TOPAZ1: variants seen among roughly 807,000 people sequenced by gnomAD.
The protein encoded by TOPAZ1 is testis and ovary specific TOPAZ 1.
TOPAZ1 carries 66 observed loss-of-function variants against 172.2 expected under a neutral mutation model. The ratio of observed to expected loss-of-function variants is 0.38; its 90% CI spans 0.31 to 0.47. The LOEUF (loss-of-function observed/expected upper bound fraction) is 0.47. Among genes scored for constraint, TOPAZ1 ranks in the 20% least tolerant of loss-of-function variants. The pLI is 0.99. For synonymous variants in TOPAZ1, 681 were observed against 683.9 expected, an observed-to-expected ratio of 1.00 and a Z score of 0.07; for missense variants, 1,822 against 1,972.4, an observed-to-expected ratio of 0.92 and a Z score of 1.44.
intron 3 of TOPAZ1, among the ~76,000 whole-genome samples, chr3:44,255,572 A>G (rs1699689017): frequency 6.6e-6 from 1 of 151,198 alleles, no homozygotes; most frequent in Non-Finnish European, 1.5e-5. Flanking sequence ...GAATGGTGTG[A>G]ACCCGGGAGG....
intron 9 of TOPAZ1, among the ~76,000 whole-genome samples, chr3:44,286,404 A>G (rs948628672): frequency 2.6e-5 from 4 of 152,204 alleles, no homozygotes; most frequent in Non-Finnish European, 5.9e-5. Context: ...GCGACTATAT[A>G]AATACTGCCA....
At position 44,321,023 on chromosome 3, in the gene TOPAZ1, G is replaced by T. The variant is rs1196883060; in HGVS notation, c.4307-4G>T. On this transcript the variant is annotated splice_polypyrimidine_tract_variant and splice_region_variant and intron_variant, in intron 16 of 19. Transcript: ENST00000309765. Reference sequence around the variant, plus strand: ...AACTATTCATATTTTTTTCTTTTTGGAAGAGTCAGAGTGGATAATCAATAC... The same window carrying T: ...AACTATTCATATTTTTTTCTTTTTGTAAGAGTCAGAGTGGATAATCAATAC... 1 of 1,524,466 alleles carries T rather than the reference G, an allele frequency of 6.6e-7. No homozygotes were observed. Among genetic ancestry groups the T allele is most frequent in the South Asian group, 1.3e-5 (1 of 78,778 alleles). The allele number at this position is 1,524,466 out of a possible 1,614,324, so 94.4% of individuals were successfully genotyped here.
intron 4 of TOPAZ1, among the ~76,000 whole-genome samples, chr3:44,258,013 A>AT (rs929134159): frequency 1.3e-5 from 2 of 151,684 alleles, no homozygotes; most frequent in Non-Finnish European, 1.5e-5. Context: ...AGTTTTACTG[A>AT]TTTTTTTTCC....
chr3:44,298,923 T>A (rs1196557758), intron 12 of TOPAZ1, among the ~76,000 whole-genome samples: 524 of 47,162 alleles, frequency 0.011, 10 homozygotes, highest in African/African-American at 0.029. Context: ...TTTTTTTTTT[T>A]TTTTTTTTTT....
chr3:44,314,240 ATTAT>A (rs1700428410), intron 16 of TOPAZ1, among the ~76,000 whole-genome samples: 2 of 151,996 alleles, frequency 1.3e-5, no homozygotes, highest in Non-Finnish European at 2.9e-5. Flanking sequence ...TTTGCATTTA[ATTAT>A]TAAAGAAATT....
At chr3:44,276,053 C>CT (rs562677836) in intron 8 of TOPAZ1, among the ~76,000 whole-genome samples, 6 of 152,068 alleles carry the variant, frequency 3.9e-5, no homozygotes, top group Admixed American at 2.0e-4. Flanking sequence ...AGATTATTTG[C>CT]TTTTTTTGCT....
intron 15 of TOPAZ1, among the ~76,000 whole-genome samples, chr3:44,309,531 A>T (rs1293267432): frequency 6.6e-6 from 1 of 152,252 alleles, no homozygotes; most frequent in African/African-American, 2.4e-5. Flanking sequence ...ATGAAATCTT[A>T]AGGAGAAGTA....
Position 44,243,152 on chromosome 3 carries a change from C to G in TOPAZ1, c.646C>G (p.Pro216Ala). Residue 216 changes from proline to alanine, a missense_variant, in exon 2 of 20, where the codon CCT becomes GCT. Coordinates refer to ENST00000309765, the MANE Select transcript of TOPAZ1 (RefSeq NM_001145030.2). ...AAAATATTCTTGTAATATCTTGTCA[C>G]CTGAAGTAGAAAATAATTCCGTTTT... Reference protein sequence around the residue: ...TPKYSCNILSPEVENNSVLKL... With the variant: ...TPKYSCNILSAEVENNSVLKL... 6.5e-7 allele frequency: 1 copy of G among 1,549,594 alleles called. No homozygotes were observed. Among genetic ancestry groups the G allele is most frequent in the Non-Finnish European group, 8.7e-7 (1 of 1,146,036 alleles).
At chr3:44,279,924 A>G (rs1363656869) in intron 8 of TOPAZ1, among the ~76,000 whole-genome samples, 1 of 152,054 alleles carries the variant, frequency 6.6e-6, no homozygotes, top group Non-Finnish European at 1.5e-5. Flanking sequence ...CTGTAGTGCT[A>G]ACATTTGATT....
intron 12 of TOPAZ1, among the ~76,000 whole-genome samples, chr3:44,292,030 A>T (rs552241027): frequency 2.8e-4 from 42 of 152,200 alleles, no homozygotes; most frequent in Non-Finnish European, 4.6e-4. Context: ...CAGCCTTAAC[A>T]TAGGCTTATT....
intron 10 of TOPAZ1, 102 bp from the exon 11 acceptor site, chr3:44,287,645 T>C: frequency 9.7e-7 from 1 of 1,030,934 alleles, no homozygotes; most frequent in Non-Finnish European, 1.4e-6. Flanking sequence ...GTTGAATACT[T>C]CCTAGAAACC....
Position 44,242,320 on chromosome 3 carries a change from G to A in TOPAZ1, c.267G>A (p.Val89=). The A allele has an allele frequency of 6.4e-7, 1 of 1,552,076 alleles. No individual in the cohort carries two copies. Among genetic ancestry groups the A allele is most frequent in the Non-Finnish European group, 8.7e-7 (1 of 1,147,106 alleles). ...RRQVEGRRGP[V]SPSDSSDPRG... is the part of the protein sequence containing the mutation. ...AGGTGGAGGGGCGCAGGGGCCCGGT[G>A]AGCCCGTCAGACTCGTCAGACCCGC... Residue 89 remains valine (V), a synonymous_variant, in exon 1 of 20, where the codon GTG becomes GTA. Coordinates refer to ENST00000309765, the MANE Select transcript of TOPAZ1 (RefSeq NM_001145030.2).
chr3:44,282,156 C>A, intron 9 of TOPAZ1, 125 bp downstream of exon 9: 3 of 584,624 alleles, frequency 5.1e-6, no homozygotes, highest in Non-Finnish European at 8.9e-6. Context: ...CTCTGTTGGC[C>A]TAAGAAAGGA....
chr3:44,282,108 T>C, intron 9 of TOPAZ1, 77 bp downstream of exon 9: 1 of 1,026,216 alleles, frequency 9.7e-7, no homozygotes, highest in South Asian at 1.6e-5. Flanking sequence ...ATTCAATAAT[T>C]TGTAAGTTTG....
intron 2 of TOPAZ1, among the ~76,000 whole-genome samples, chr3:44,251,579 C>T (rs552991567): frequency 3.3e-5 from 5 of 152,246 alleles, no homozygotes; most frequent in Admixed American, 2.0e-4. Flanking sequence ...TATAGGTTTA[C>T]GAAAACAATT....
chr3:44,252,924 A>T (rs538582013), intron 2 of TOPAZ1, among the ~76,000 whole-genome samples: 1 of 152,214 alleles, frequency 6.6e-6, no homozygotes, highest in Non-Finnish European at 1.5e-5. Context: ...AGCATGTACC[A>T]TAAAATGATA....
intron 17 of TOPAZ1, 30 bp downstream of exon 17, chr3:44,321,221 T>C: frequency 6.7e-7 from 1 of 1,487,942 alleles, no homozygotes; most frequent in South Asian, 1.3e-5. Flanking sequence ...ATCTTAATTA[T>C]CTCTTGCCCA....
chr3:44,245,416 C>T (rs1699552276), intron 2 of TOPAZ1, 145 bp downstream of exon 2: 5 of 731,062 alleles, frequency 6.8e-6, no homozygotes, highest in Non-Finnish European at 1.0e-5. Context: ...ACCATTATTA[C>T]TGCTGATACC....
Position 44,270,803 on chromosome 3 carries a change from A to C in TOPAZ1, c.3365A>C (p.Asp1122Ala). Reference sequence around the variant, plus strand: ...TTTGCTCATGTGCCTGAACAAGGGGATGAAAAGGTAAAACATATAAAGTCT... The same window carrying C: ...TTTGCTCATGTGCCTGAACAAGGGGCTGAAAAGGTAAAACATATAAAGTCT... ...CKFAHVPEQG[D>A]EKVCMDVFKK... The change falls in exon 8 of 20, where the codon GAT becomes GCT. Residue 1122 changes from aspartate to alanine, a missense_variant. Coordinates refer to ENST00000309765, the MANE Select transcript of TOPAZ1 (RefSeq NM_001145030.2). The C allele has an allele frequency of 1.3e-6, 2 of 1,545,444 alleles. No individual in the cohort carries two copies. Among genetic ancestry groups the C allele is most frequent in the South Asian group, 2.4e-5 (2 of 82,272 alleles).
Sources: allele counts gnomAD v4.1 joint callset (sites outside exome capture counted in the v4.1 genomes callset), GRCh38; gene constraint gnomAD v4.1.1; transcripts MANE v1.5; gene names NCBI Gene and HGNC (gene_info 2026-07-23, HGNC 2026-07-21).